CCSER1: variants seen among roughly 807,000 people sequenced by gnomAD.
CCSER1 encodes serine-rich coiled-coil domain-containing protein 1.
In CCSER1, 41 loss-of-function variants were observed where a neutral mutation model predicts 82.0. The observed-to-expected ratio is 0.50, with a 90% CI of 0.39 to 0.65. CCSER1 has a LOEUF of 0.65. CCSER1 is among the 30% of genes least tolerant of loss of function. The pLI, the probability that CCSER1 is intolerant of heterozygous loss-of-function variation, is 0.00. For synonymous variants in CCSER1, 414 were observed against 383.9 expected (o/e 1.08, Z -0.92); for missense variants, 1,119 against 1,064.2 (o/e 1.05, Z -0.72).
intron 10 of CCSER1, among the ~76,000 whole-genome samples, chr4:91,151,292 A>G (rs953162511): frequency 6.6e-6 from 1 of 151,984 alleles, no homozygotes; most frequent in African/African-American, 2.4e-5. Flanking sequence ...GGTAGTTTGT[A>G]TCTCTGTGGG....
At chr4:90,906,791 T>A (rs1392916615) in intron 8 of CCSER1, among the ~76,000 whole-genome samples, 1 of 152,092 alleles carries the variant, frequency 6.6e-6, no homozygotes, top group Non-Finnish European at 1.5e-5. Context: ...TTCTGGTTTT[T>A]TTTAATGAGA....
intron 10 of CCSER1, among the ~76,000 whole-genome samples, chr4:91,567,367 GGTGGAGA>G (rs1762939860): frequency 6.6e-6 from 1 of 152,092 alleles, no homozygotes. Flanking sequence ...GTTGTTTTAA[GGTGGAGA>G]GTTATGTAAA....
At chr4:90,800,323 A>C (rs1362788214) in intron 7 of CCSER1, among the ~76,000 whole-genome samples, 1 of 152,014 alleles carries the variant, frequency 6.6e-6, no homozygotes, top group East Asian at 1.9e-4. Flanking sequence ...GGCTGGTCTC[A>C]TACTCTTGGG....
chr4:90,750,354 G>A (rs538512959), intron 7 of CCSER1, among the ~76,000 whole-genome samples: 2 of 152,230 alleles, frequency 1.3e-5, no homozygotes, highest in Non-Finnish European at 2.9e-5. Context: ...GGGACGGAAG[G>A]AGAAGTTGCT....
At chr4:90,170,728 T>C (rs1199055116) in intron 1 of CCSER1, among the ~76,000 whole-genome samples, 1 of 151,996 alleles carries the variant, frequency 6.6e-6, no homozygotes, top group Admixed American at 6.6e-5. Context: ...TGAATAGTAT[T>C]CCATTGTATA....
chr4:91,416,474 G>A (rs1753369278), intron 10 of CCSER1, among the ~76,000 whole-genome samples: 2 of 151,890 alleles, frequency 1.3e-5, no homozygotes, highest in South Asian at 4.1e-4. Context: ...GGCTATAGTA[G>A]CCAAAACAGC....
At chr4:91,439,313 T>TG (rs1411692758) in intron 10 of CCSER1, among the ~76,000 whole-genome samples, 2 of 150,916 alleles carry the variant, frequency 1.3e-5, no homozygotes, top group African/African-American at 4.9e-5. Flanking sequence ...CAGAAGAGAG[T>TG]GGGGGCCAAT....
intron 10 of CCSER1, among the ~76,000 whole-genome samples, chr4:91,315,982 A>T (rs1355371370): frequency 1.3e-5 from 2 of 151,978 alleles, no homozygotes; most frequent in Admixed American, 1.3e-4. Flanking sequence ...TAATTTAATC[A>T]TAAGGGTGGG....
intron 10 of CCSER1, among the ~76,000 whole-genome samples, chr4:91,211,708 C>A (rs1262177558): frequency 2.0e-5 from 3 of 152,016 alleles, no homozygotes; most frequent in East Asian, 3.9e-4. Flanking sequence ...TTCTCAATAT[C>A]CTCATATAAA....
chr4:90,716,703 G>A (rs1195200381), intron 6 of CCSER1, among the ~76,000 whole-genome samples: 2 of 152,062 alleles, frequency 1.3e-5, no homozygotes, highest in South Asian at 2.1e-4. Flanking sequence ...AGAGCAATAC[G>A]CTAAACCATA....
chr4:90,683,408 A>G (rs755915829), intron 6 of CCSER1, among the ~76,000 whole-genome samples: 1 of 152,056 alleles, frequency 6.6e-6, no homozygotes, highest in Non-Finnish European at 1.5e-5. Flanking sequence ...AAGTTAATCC[A>G]TCTTATATAC....
At chr4:90,654,677 C>T (rs17017359) in intron 6 of CCSER1, among the ~76,000 whole-genome samples, 18,129 of 152,006 alleles carry the variant, frequency 0.12, 1,195 homozygotes, top group East Asian at 0.18. Flanking sequence ...CTTTATTGTA[C>T]GCCTAACCCT....
intron 10 of CCSER1, among the ~76,000 whole-genome samples, chr4:91,327,134 T>A (rs1746623541): frequency 6.6e-6 from 1 of 152,198 alleles, no homozygotes; most frequent in African/African-American, 2.4e-5. Context: ...AGTGCCCCAG[T>A]GGGAACTCTA....
intron 10 of CCSER1, among the ~76,000 whole-genome samples, chr4:91,093,923 C>G (rs940940478): frequency 6.6e-6 from 1 of 152,202 alleles, no homozygotes; most frequent in Non-Finnish European, 1.5e-5. Context: ...TAGAAATTCC[C>G]TTACTTGCCT....
chr4:90,984,473 C>T (rs757511446), intron 9 of CCSER1, among the ~76,000 whole-genome samples: 20 of 151,644 alleles, frequency 1.3e-4, no homozygotes, highest in Admixed American at 3.3e-4. Flanking sequence ...CTCTTGGTTG[C>T]AAGATGGCTA....
chr4:90,607,789 G>A (rs2148800579), intron 5 of CCSER1, among the ~76,000 whole-genome samples: 1 of 152,130 alleles, frequency 6.6e-6, no homozygotes, highest in Admixed American at 6.5e-5. Flanking sequence ...CCATACAGAG[G>A]GTAATGGATA....
At chr4:90,934,589 C>G (rs1730686486) in intron 9 of CCSER1, among the ~76,000 whole-genome samples, 1 of 152,110 alleles carries the variant, frequency 6.6e-6, no homozygotes, top group Admixed American at 6.5e-5. Flanking sequence ...GGGCAGTATT[C>G]TACAAGACAC....
intron 7 of CCSER1, among the ~76,000 whole-genome samples, chr4:90,766,978 C>A (rs1751341212): frequency 6.6e-6 from 1 of 151,952 alleles, no homozygotes; most frequent in South Asian, 2.1e-4. Flanking sequence ...AGATGAATTG[C>A]CTGTCTTATG....
At chr4:91,364,903 T>TA (rs1289739253) in intron 10 of CCSER1, among the ~76,000 whole-genome samples, 5 of 152,106 alleles carry the variant, frequency 3.3e-5, no homozygotes, top group Non-Finnish European at 5.9e-5. Flanking sequence ...TGATGTTTCT[T>TA]AAAAATCAAG....
Sources: allele counts gnomAD v4.1 joint callset (sites outside exome capture counted in the v4.1 genomes callset), GRCh38; gene constraint gnomAD v4.1.1; transcripts MANE v1.5; gene names NCBI Gene and HGNC (gene_info 2026-07-23, HGNC 2026-07-21).